The following CFAP44 variants were observed in gnomAD, a reference collection of about 807,000 sequenced individuals.
The protein encoded by CFAP44 is cilia- and flagella-associated protein 44.
CFAP44 carries 134 observed loss-of-function variants against 216.2 expected under a neutral mutation model. That is an observed-to-expected ratio of 0.62 (90% confidence interval 0.54 to 0.72). The LOEUF (loss-of-function observed/expected upper bound fraction) is 0.72, where lower values mean the gene tolerates loss of function less well. Ranked by LOEUF, CFAP44 falls within the 30% of genes least tolerant of loss-of-function variation. The pLI, the probability that CFAP44 is intolerant of heterozygous loss-of-function variation, is 0.00. For synonymous variants in CFAP44, 700 were observed against 727.6 expected, an observed-to-expected ratio of 0.96 and a Z score of 0.61; for missense variants, 2,035 against 2,182.1, an observed-to-expected ratio of 0.93 and a Z score of 1.34.
At chr3:113,381,132 T>C in intron 15 of CFAP44, 72 bp from the exon 16 acceptor site, 1 of 1,101,742 alleles carries the variant, frequency 9.1e-7, no homozygotes, top group Non-Finnish European at 1.2e-6. Flanking sequence ...AGATTATAAA[T>C]AAAAATATAA....
At chr3:113,298,024 C>T (rs945957567) in intron 32 of CFAP44, among the ~76,000 whole-genome samples, 5 of 152,214 alleles carry the variant, frequency 3.3e-5, no homozygotes, top group Admixed American at 6.5e-5. Context: ...TAATCAGTGA[C>T]GCAAATGAAA....
Position 113,289,099 on chromosome 3 carries a change from C to T in CFAP44, c.*2458G>A, listed in dbSNP as rs984860970. ...CCTGCCCATGCCACACCCTGCTGGT[C>T]TACTTGTGTTTGAAGCTTAACTTCC... On this transcript the variant is annotated 3_prime_UTR_variant, in exon 35 of 35. Transcript: ENST00000393845. 4 of 152,204 alleles carry T rather than the reference C, an allele frequency of 2.6e-5. No homozygotes were observed. Among genetic ancestry groups the T allele is most frequent in the Non-Finnish European group, 4.4e-5 (3 of 68,028 alleles). 9.4% of individuals were successfully genotyped at this position (152,204 alleles called of 1,614,324 possible).
chr3:113,292,236 T>C (rs1020383086), intron 34 of CFAP44, among the ~76,000 whole-genome samples: 5 of 152,300 alleles, frequency 3.3e-5, no homozygotes, highest in Admixed American at 3.3e-4. Flanking sequence ...CCATTATACA[T>C]ATACATCACT....
At chr3:113,374,876 T>C (rs910876736) in intron 17 of CFAP44, among the ~76,000 whole-genome samples, 2 of 152,184 alleles carry the variant, frequency 1.3e-5, no homozygotes, top group African/African-American at 4.8e-5. Flanking sequence ...CCTCAAGTGA[T>C]CCACCCGCCT....
intron 22 of CFAP44, among the ~76,000 whole-genome samples, chr3:113,357,153 T>G (rs1319907232): frequency 1.3e-5 from 2 of 152,126 alleles, no homozygotes; most frequent in Non-Finnish European, 2.9e-5. Context: ...AGATGCCAAT[T>G]TAAACCATAC....
chr3:113,433,851 C>A (rs1395221084), intron 1 of CFAP44, 182 bp from the exon 2 acceptor site: 3 of 460,298 alleles, frequency 6.5e-6, no homozygotes, highest in East Asian at 6.4e-5. Flanking sequence ...CTGACCTCTG[C>A]AAGACAGCTA....
intron 28 of CFAP44, among the ~76,000 whole-genome samples, chr3:113,319,202 AATTATACCC>A (rs911921514): frequency 6.6e-6 from 1 of 152,192 alleles, no homozygotes; most frequent in Non-Finnish European, 1.5e-5. Flanking sequence ...TCTCAGATAT[AATTATACCC>A]ATTGGCTCAA....
chr3:113,403,537 C>G (rs538699362), intron 9 of CFAP44, among the ~76,000 whole-genome samples: 1 of 152,158 alleles, frequency 6.6e-6, no homozygotes, highest in Non-Finnish European at 1.5e-5. Flanking sequence ...TCATATGGAG[C>G]CTTTTGGAAG....
At chr3:113,370,162 C>A (rs748372828) in intron 18 of CFAP44, among the ~76,000 whole-genome samples, 1 of 152,136 alleles carries the variant, frequency 6.6e-6, no homozygotes, top group African/African-American at 2.4e-5. Flanking sequence ...CAAAGAGGAG[C>A]CAGTACCACT....
In CFAP44 at chr3:113,291,630, C is replaced by G. The variant is rs762790255; in HGVS notation, c.5492G>C (p.Arg1831Pro). The G allele has an allele frequency of 2.0e-5, 30 of 1,537,162 alleles. No homozygotes were observed. Among genetic ancestry groups the G allele is most frequent in the Non-Finnish European group, 2.6e-5 (30 of 1,146,932 alleles). Residue 1831 changes from arginine (R) to proline (P), a missense_variant, in exon 35 of 35, where the codon CGT becomes CCT. Transcript: ENST00000393845. ...TGGGAGGATAAGACTGCCTTTCCTA[C>G]GCAAAAGAGCAATCTCCTCCTTTAA... ...SALKEEIALL[R>P]RKGSLILPPI...
chr3:113,373,291 T>A (rs1418099441), intron 18 of CFAP44, 120 bp downstream of exon 18: 1 of 1,002,360 alleles, frequency 1.0e-6, no homozygotes, highest in African/African-American at 1.7e-5. Context: ...TTTAACCAAA[T>A]ATTTTTTGAG....
chr3:113,436,117 C>A (rs1935233577), intron 1 of CFAP44, among the ~76,000 whole-genome samples: 1 of 152,140 alleles, frequency 6.6e-6, no homozygotes, highest in South Asian at 2.1e-4. Flanking sequence ...ATCTCAACAT[C>A]CACTCCAGCA....
chr3:113,428,274 C>T (rs1352249126), intron 2 of CFAP44, among the ~76,000 whole-genome samples: 3 of 152,174 alleles, frequency 2.0e-5, no homozygotes, highest in Non-Finnish European at 1.5e-5. Context: ...CTGCTGGGTT[C>T]CCCAGGAAAG....
At chr3:113,429,952 A>T (rs1358461108) in intron 2 of CFAP44, among the ~76,000 whole-genome samples, 1 of 152,112 alleles carries the variant, frequency 6.6e-6, no homozygotes, top group Non-Finnish European at 1.5e-5. Context: ...GACATAGATG[A>T]TCTGAACATC....
At chr3:113,370,499 A>C (rs1393793297) in intron 18 of CFAP44, among the ~76,000 whole-genome samples, 1 of 152,202 alleles carries the variant, frequency 6.6e-6, no homozygotes, top group African/African-American at 2.4e-5. Context: ...ATCTCAATAG[A>C]CGCAGAAAAG....
intron 4 of CFAP44, among the ~76,000 whole-genome samples, chr3:113,420,748 T>G (rs1934793804): frequency 6.6e-6 from 1 of 152,176 alleles, no homozygotes; most frequent in Non-Finnish European, 1.5e-5. Flanking sequence ...GTTTGTAAAA[T>G]TTTAACACAC....
chr3:113,317,417 G>A (rs1237770442), intron 28 of CFAP44, among the ~76,000 whole-genome samples: 1 of 151,660 alleles, frequency 6.6e-6, no homozygotes, highest in Non-Finnish European at 1.5e-5. Context: ...TTGGGACTGG[G>A]GCACATCTTC....
rs1223999999 is a variant in CFAP44 at position 113,328,724 on chromosome 3, A to C, written c.4117-905T>G. 1.0e-4 allele frequency among the ~76,000 whole-genome samples: 14 copies of C among 139,826 alleles called. 1 individual carries two copies. The highest frequency in any genetic ancestry group is 3.8e-4 in the African/African-American group (14 of 36,564). The allele number at this position is 139,826 out of a possible 152,430, so 91.7% of individuals were successfully genotyped here. A position where few individuals can be genotyped will look rare whatever the true frequency, so the allele number is the denominator to read the frequency against. On this transcript the variant is annotated intron_variant, in intron 26 of 34. Coordinates refer to ENST00000393845, the MANE Select transcript of CFAP44 (RefSeq NM_001164496.2). ...AAAAAAAAAAAAAAAAAAAAAAAAA[A>C]AAAACAGAGAGAGAAGAAAAAATTA...
chr3:113,432,367 A>G (rs78264085), intron 2 of CFAP44, among the ~76,000 whole-genome samples: 4,658 of 152,312 alleles, frequency 0.031, 117 homozygotes, highest in East Asian at 0.1. Context: ...TGACTTTTAG[A>G]AAATTATTTT....
Sources: allele counts gnomAD v4.1 joint callset (sites outside exome capture counted in the v4.1 genomes callset), GRCh38; gene constraint gnomAD v4.1.1; transcripts MANE v1.5; gene names NCBI Gene and HGNC (gene_info 2026-07-23, HGNC 2026-07-21).